Variants in CYRIA observed in about 807,000 individuals in gnomAD.
CYRIA encodes CYFIP-related Rac1 interactor A.
In CYRIA, 15 loss-of-function variants were observed where a neutral mutation model predicts 43.9. The observed-to-expected ratio is 0.34, with a 90% CI of 0.23 to 0.53. The LOEUF is 0.53. CYRIA is among the 20% of genes least tolerant of loss of function. The pLI is 0.94. For missense variants in CYRIA, 236 were observed against 394.2 expected (o/e 0.60, Z 3.40); for synonymous variants, 117 against 136.0 (o/e 0.86, Z 0.97).
chr2:16,565,228 T>C (rs1572460957), intron 4 of CYRIA, among the ~76,000 whole-genome samples: 1 of 150,274 alleles, frequency 6.7e-6, no homozygotes, highest in Non-Finnish European at 1.5e-5. Flanking sequence ...CAGGCTGGAG[T>C]GCAATGGTGC....
chr2:16,557,576 C>T (rs535892803), intron 10 of CYRIA, among the ~76,000 whole-genome samples: 3 of 152,184 alleles, frequency 2.0e-5, no homozygotes, highest in Admixed American at 6.5e-5. Context: ...AATGGTTTAC[C>T]GTGCTTATTA....
intron 2 of CYRIA, among the ~76,000 whole-genome samples, chr2:16,618,047 G>A (rs917659131): frequency 6.6e-6 from 1 of 152,156 alleles, no homozygotes; most frequent in African/African-American, 2.4e-5. Context: ...GTGCCACAGA[G>A]GGGCAGCACT....
intron 1 of CYRIA, among the ~76,000 whole-genome samples, chr2:16,655,028 C>T (rs1670071929): frequency 6.6e-6 from 1 of 152,134 alleles, no homozygotes; most frequent in Admixed American, 6.5e-5. Context: ...GCAGGTTGAG[C>T]ATGTAGTGTG....
At chr2:16,632,484 T>C (rs1280455852) in intron 1 of CYRIA, among the ~76,000 whole-genome samples, 1 of 152,182 alleles carries the variant, frequency 6.6e-6, no homozygotes, top group Non-Finnish European at 1.5e-5. Flanking sequence ...TTTCCTCATG[T>C]GAGCCTCAGA....
intron 1 of CYRIA, among the ~76,000 whole-genome samples, chr2:16,644,308 G>C (rs1475010994): frequency 6.6e-6 from 1 of 152,182 alleles, no homozygotes; most frequent in Non-Finnish European, 1.5e-5. Flanking sequence ...ATCCCAATTA[G>C]TTGCTGTGTC....
At chr2:16,576,370 C>T (rs1201638956) in intron 3 of CYRIA, among the ~76,000 whole-genome samples, 2 of 152,166 alleles carry the variant, frequency 1.3e-5, no homozygotes, top group African/African-American at 4.8e-5. Context: ...AGTCATCATG[C>T]AGTGAGAGCT....
chr2:16,602,816 A>T (rs1303381379), intron 2 of CYRIA, among the ~76,000 whole-genome samples: 1 of 152,104 alleles, frequency 6.6e-6, no homozygotes, highest in Non-Finnish European at 1.5e-5. Context: ...CATCAAGTTC[A>T]TTTTCTAAGA....
intron 1 of CYRIA, among the ~76,000 whole-genome samples, chr2:16,624,348 T>A (rs778910732): frequency 9.9e-5 from 15 of 152,208 alleles, no homozygotes; most frequent in Non-Finnish European, 1.6e-4. Context: ...TGACCTTGAA[T>A]GGGAAGTCTT....
chr2:16,560,139 T>C (rs938029937), intron 9 of CYRIA, among the ~76,000 whole-genome samples: 5 of 152,184 alleles, frequency 3.3e-5, no homozygotes, highest in African/African-American at 1.2e-4. Flanking sequence ...TCACTGATGA[T>C]TCAGATAATT....
At chr2:16,643,211 T>A (rs1475335822) in intron 1 of CYRIA, among the ~76,000 whole-genome samples, 1 of 152,184 alleles carries the variant, frequency 6.6e-6, no homozygotes, top group African/African-American at 2.4e-5. Context: ...TGGCATGAAG[T>A]AGGCATTCAA....
At position 16,552,572 on chromosome 2, in the gene CYRIA, T is replaced by C. The variant is rs1666353797; in HGVS notation, c.*364A>G. 1 of 167,596 alleles carries C rather than the reference T, an allele frequency of 6.0e-6. No homozygotes were observed. Among genetic ancestry groups the C allele is most frequent in the African/African-American group, 2.4e-5 (1 of 42,068 alleles). 10.4% of individuals were successfully genotyped at this position (167,596 alleles called of 1,614,324 possible). ...CCGACACAGGAAATCAAATATTTTG[T>C]GTTTCTATAAACTATACTTCCCAGA... On this transcript the variant is annotated 3_prime_UTR_variant, in exon 12 of 12. Coordinates refer to ENST00000381323, the MANE Select transcript of CYRIA (RefSeq NM_030797.4).
At chr2:16,660,846 C>G (rs1234740497) in intron 1 of CYRIA, among the ~76,000 whole-genome samples, 1 of 152,210 alleles carries the variant, frequency 6.6e-6, no homozygotes. Flanking sequence ...TAAGCTGGAC[C>G]TGGTAAACAC....
intron 2 of CYRIA, among the ~76,000 whole-genome samples, chr2:16,616,146 A>AGTG (rs1243287863): frequency 3.3e-5 from 5 of 152,046 alleles, no homozygotes; most frequent in Admixed American, 6.6e-5. Context: ...TTGGCCGTAG[A>AGTG]GTGGTGGCCT....
intron 11 of CYRIA, among the ~76,000 whole-genome samples, chr2:16,553,531 T>G (rs1433040678): frequency 6.6e-6 from 1 of 152,132 alleles, no homozygotes; most frequent in African/African-American, 2.4e-5. Flanking sequence ...GAAAAGAGAA[T>G]TAACATGTAA....
intron 2 of CYRIA, among the ~76,000 whole-genome samples, chr2:16,608,888 C>A (rs940247729): frequency 6.6e-6 from 1 of 152,188 alleles, no homozygotes; most frequent in Non-Finnish European, 1.5e-5. Flanking sequence ...GAAGCTGGGT[C>A]CTGAACTGCT....
chr2:16,597,230 G>T (rs1228283150), intron 2 of CYRIA, among the ~76,000 whole-genome samples: 1 of 99,938 alleles, frequency 1.0e-5, no homozygotes, highest in Non-Finnish European at 1.9e-5. Flanking sequence ...TGAGAGTTCT[G>T]TAGATGTCTA....
chr2:16,652,288 T>G (rs1669996787), intron 1 of CYRIA, among the ~76,000 whole-genome samples: 1 of 152,208 alleles, frequency 6.6e-6, no homozygotes, highest in African/African-American at 2.4e-5. Flanking sequence ...TTGTCCCACC[T>G]GCTCTAAGTT....
intron 3 of CYRIA, among the ~76,000 whole-genome samples, chr2:16,584,399 C>T (rs1277589993): frequency 6.6e-6 from 1 of 152,164 alleles, no homozygotes; most frequent in Non-Finnish European, 1.5e-5. Flanking sequence ...GGGCCCAGAC[C>T]CTGCCTCCAG....
intron 1 of CYRIA, among the ~76,000 whole-genome samples, chr2:16,634,189 G>A (rs1242306989): frequency 2.6e-5 from 4 of 152,172 alleles, no homozygotes; most frequent in Non-Finnish European, 5.9e-5. Context: ...CTCAGGCAGA[G>A]GTTCATCTAC....
Sources: gnomAD v4.1 joint callset for allele counts (sites outside exome capture counted in the v4.1 genomes callset) on GRCh38, gnomAD v4.1.1 for gene constraint, MANE v1.5 for transcripts, NCBI Gene and HGNC (gene_info 2026-07-23, HGNC 2026-07-21) for gene names.